IL1RAPL2: variants seen among roughly 807,000 people sequenced by gnomAD.
IL1RAPL2 encodes interleukin 1 receptor accessory protein like 2.
A neutral mutation model predicts 44.1 loss-of-function variants in IL1RAPL2; 3 were observed. That is an observed-to-expected ratio of 0.07 (90% CI 0.03 to 0.18). IL1RAPL2 has a LOEUF of 0.18. IL1RAPL2 is among the 10% of genes least tolerant of loss of function. The pLI is 1.00. For missense variants in IL1RAPL2, 391 were observed against 496.4 expected, an observed-to-expected ratio of 0.79 and a Z score of 2.02; for synonymous variants, 181 against 178.8, an observed-to-expected ratio of 1.01 and a Z score of -0.10.
intron 1 of IL1RAPL2, among the ~76,000 whole-genome samples, chrX:104,643,031 T>A (rs943172653): frequency 8.9e-6 from 1 of 112,223 alleles, no homozygotes; most frequent in East Asian, 2.8e-4. Context: ...TAACAGCTAA[T>A]TTGTTCTCCA....
chrX:105,009,279 G>T (rs1000965701), intron 2 of IL1RAPL2, among the ~76,000 whole-genome samples: 1 of 110,686 alleles, frequency 9.0e-6, no homozygotes, highest in African/African-American at 3.3e-5. Context: ...AAATCATTCT[G>T]CTATAAAGAC....
chrX:105,217,718 A>G lies in IL1RAPL2; in HGVS notation c.357-16100A>G, dbSNP rs782329422. ...ACCAACCCAAATGTCCAACAATGATAGACTGGATTAAGAAAATGTGGCACA... is the reference window on the plus strand; with the variant it reads ...ACCAACCCAAATGTCCAACAATGATGGACTGGATTAAGAAAATGTGGCACA... On this transcript the variant is annotated intron_variant, in intron 3 of 10. Transcript: ENST00000372582. 5.3e-5 allele frequency among the ~76,000 whole-genome samples: 6 copies of G among 112,432 alleles called. No homozygotes were observed. The South Asian group carries it at 1.1e-3, about 21-fold the overall frequency.
intron 1 of IL1RAPL2, among the ~76,000 whole-genome samples, chrX:104,578,279 A>G (rs951116679): frequency 8.9e-6 from 1 of 112,276 alleles, no homozygotes; most frequent in African/African-American, 3.2e-5. Flanking sequence ...AAACAATGAT[A>G]GGGGCATGTG....
chrX:104,835,140 A>G (rs1921706467), intron 2 of IL1RAPL2, among the ~76,000 whole-genome samples: 1 of 111,806 alleles, frequency 8.9e-6, no homozygotes, highest in Admixed American at 9.6e-5. Context: ...AACCCTAAGA[A>G]TCACTTTTTA....
At chrX:105,009,962 C>A (rs1471547333) in intron 2 of IL1RAPL2, among the ~76,000 whole-genome samples, 1 of 110,305 alleles carries the variant, frequency 9.1e-6, no homozygotes, top group Non-Finnish European at 1.9e-5. Flanking sequence ...CTGTACATAA[C>A]TTTTTAATTA....
At chrX:104,985,861 A>T (rs1021527715) in intron 2 of IL1RAPL2, among the ~76,000 whole-genome samples, 4 of 112,425 alleles carry the variant, frequency 3.6e-5, no homozygotes, top group Non-Finnish European at 7.5e-5. Context: ...CTACCGAGTT[A>T]TGTGTACCTG....
At chrX:105,640,654 G>GTA (rs768814568) in intron 6 of IL1RAPL2, among the ~76,000 whole-genome samples, 2,492 of 59,354 alleles carry the variant, frequency 0.042, 105 homozygotes, top group East Asian at 0.099. Context: ...GTATGTGTGT[G>GTA]TATATATATA....
At chrX:104,977,193 CAGGTTCCCTTAACTT>C (rs2030355023) in intron 2 of IL1RAPL2, among the ~76,000 whole-genome samples, 1 of 111,757 alleles carries the variant, frequency 8.9e-6, no homozygotes, top group Admixed American at 9.5e-5. Context: ...AGGTCTTCCC[CAGGTTCCCTTAACTT>C]AGGTTGACTT....
At chrX:104,621,522 C>A (rs1314307527) in intron 1 of IL1RAPL2, among the ~76,000 whole-genome samples, 1 of 108,508 alleles carries the variant, frequency 9.2e-6, no homozygotes, top group Admixed American at 1.0e-4. Context: ...GCCATACCCC[C>A]AAGCAGAAAT....
intron 1 of IL1RAPL2, among the ~76,000 whole-genome samples, chrX:104,567,774 T>C (rs944505058): frequency 8.9e-6 from 1 of 112,278 alleles, no homozygotes; most frequent in Non-Finnish European, 1.9e-5. Flanking sequence ...GGATAGCCAC[T>C]CGCGAGTGGC....
chrX:105,535,376 C>A (rs1228156992), intron 6 of IL1RAPL2, among the ~76,000 whole-genome samples: 1 of 111,581 alleles, frequency 9.0e-6, no homozygotes, highest in African/African-American at 3.3e-5. Context: ...AATGTTACAG[C>A]CATTCTGGAA....
chrX:104,661,485 G>T (rs1028640945), intron 2 of IL1RAPL2, among the ~76,000 whole-genome samples: 2 of 110,884 alleles, frequency 1.8e-5, no homozygotes, highest in Non-Finnish European at 3.8e-5. Context: ...ATAGGGCATG[G>T]GATGAATAAA....
intron 3 of IL1RAPL2, among the ~76,000 whole-genome samples, chrX:105,218,634 G>A (rs1472023127): frequency 2.7e-5 from 3 of 110,419 alleles, no homozygotes; most frequent in Non-Finnish European, 5.7e-5. Flanking sequence ...CACTTCTGGG[G>A]TATTGAGTGC....
intron 6 of IL1RAPL2, among the ~76,000 whole-genome samples, chrX:105,677,370 T>TAC (rs1374290980): frequency 8.9e-6 from 1 of 111,959 alleles, no homozygotes; most frequent in Non-Finnish European, 1.9e-5. Context: ...CATCTATATA[T>TAC]ACTGCACATT....
At chrX:105,212,013 G>A (rs2033811748) in intron 3 of IL1RAPL2, among the ~76,000 whole-genome samples, 1 of 112,150 alleles carries the variant, frequency 8.9e-6, no homozygotes, top group African/African-American at 3.2e-5. Context: ...CAGAGCCCTG[G>A]GTTTCAAGCA....
At chrX:105,074,113 G>T (rs1342068086) in intron 2 of IL1RAPL2, among the ~76,000 whole-genome samples, 1 of 111,396 alleles carries the variant, frequency 9.0e-6, no homozygotes, top group Non-Finnish European at 1.9e-5. Flanking sequence ...TGAAGTCCTT[G>T]CCCATGCCTA....
intron 1 of IL1RAPL2, among the ~76,000 whole-genome samples, chrX:104,636,056 C>G (rs1055940113): frequency 2.7e-5 from 3 of 112,208 alleles, no homozygotes; most frequent in Non-Finnish European, 3.8e-5. Flanking sequence ...AGTTTTCCTT[C>G]TAACAGTCAG....
At chrX:104,855,567 A>G (rs924081687) in intron 2 of IL1RAPL2, among the ~76,000 whole-genome samples, 1 of 110,437 alleles carries the variant, frequency 9.1e-6, no homozygotes, top group Non-Finnish European at 1.9e-5. Flanking sequence ...ATCCTTGAGT[A>G]TACAATTAAC....
chrX:104,585,388 A>T (rs1928537059), intron 1 of IL1RAPL2, among the ~76,000 whole-genome samples: 1 of 23,271 alleles, frequency 4.3e-5, no homozygotes, highest in Non-Finnish European at 5.9e-5. Flanking sequence ...AATATATATT[A>T]TATATAATAT....
Sources: gnomAD v4.1 joint callset for allele counts (sites outside exome capture counted in the v4.1 genomes callset) on GRCh38, gnomAD v4.1.1 for gene constraint, MANE v1.5 for transcripts, NCBI Gene and HGNC (gene_info 2026-07-23, HGNC 2026-07-21) for gene names.